Variants in APH1B observed in about 807,000 individuals in gnomAD.
APH1B encodes the protein aph-1B gamma-secretase subunit.
APH1B carries 27 observed loss-of-function variants against 28.2 expected under a neutral mutation model. The ratio of observed to expected loss-of-function variants is 0.96; its 90% CI spans 0.70 to 1.32. APH1B has a LOEUF of 1.32. Among genes scored for constraint, APH1B ranks in the 40% most tolerant of loss-of-function variants. APH1B has a pLI of 0.00. For synonymous variants in APH1B, 141 were observed against 124.6 expected, an observed-to-expected ratio of 1.13 and a Z score of -0.88; for missense variants, 305 against 313.6, an observed-to-expected ratio of 0.97 and a Z score of 0.21.
At chr15:63,298,685 G>A (rs1340654965) in intron 4 of APH1B, among the ~76,000 whole-genome samples, 1 of 152,082 alleles carries the variant, frequency 6.6e-6, no homozygotes. Flanking sequence ...AAAAAGATAT[G>A]GATTGCCAAG....
At chr15:63,297,489 C>T (rs1285354312) in intron 4 of APH1B, among the ~76,000 whole-genome samples, 1 of 152,082 alleles carries the variant, frequency 6.6e-6, no homozygotes, top group Non-Finnish European at 1.5e-5. Context: ...ATGATCGCAC[C>T]ATTGCACTCC....
At chr15:63,300,177 TGCCATCTCGA>T (rs2038611275) in intron 4 of APH1B, among the ~76,000 whole-genome samples, 1 of 152,100 alleles carries the variant, frequency 6.6e-6, no homozygotes. Context: ...GAAGCTCTGG[TGCCATCTCGA>T]GCCATCTGGT....
intron 3 of APH1B, among the ~76,000 whole-genome samples, chr15:63,287,002 T>C (rs886651882): frequency 1.3e-5 from 2 of 152,222 alleles, no homozygotes; most frequent in Admixed American, 6.5e-5. Context: ...ACTTTGAGAA[T>C]TATGTTTAAG....
intron 4 of APH1B, among the ~76,000 whole-genome samples, chr15:63,292,197 C>T (rs1208333179): frequency 6.6e-6 from 1 of 152,138 alleles, no homozygotes; most frequent in East Asian, 1.9e-4. Context: ...GAAAGTATAA[C>T]ATCTCCTAAT....
chr15:63,299,131 T>C (rs1211841628), intron 4 of APH1B, among the ~76,000 whole-genome samples: 2 of 152,076 alleles, frequency 1.3e-5, no homozygotes, highest in African/African-American at 4.8e-5. Context: ...AGGATGCAGT[T>C]GAAGATAGTA....
rs1047552 is a variant in APH1B at position 63,305,658 on chromosome 15, T to G, written c.651T>G (p.Phe217Leu). Residue 217 changes from phenylalanine (F) to leucine (L), a missense_variant, in exon 6 of 6, where the codon TTT becomes TTG. Physicochemically the swap from Phe to Leu is conservative, Grantham distance 22. Coordinates refer to ENST00000261879, the MANE Select transcript of APH1B (RefSeq NM_031301.4). ...ATGGAATAAACCTGGCGTCAGCATT[T>G]ATAATCCTGGTGCTCATGGGCACCT... is the stretch of plus-strand genomic sequence containing the variant. Reference protein sequence around the residue: ...SYYGINLASAFIILVLMGTWA... With the variant: ...SYYGINLASALIILVLMGTWA... The G allele has an allele frequency of 0.041, 66,465 of 1,614,156 alleles. 2,441 individuals are homozygous for G. The highest frequency in any genetic ancestry group is 0.19 in the East Asian group (8,730 of 44,866).
At chr15:63,301,428 C>G (rs769439721) in intron 4 of APH1B, among the ~76,000 whole-genome samples, 5 of 152,096 alleles carry the variant, frequency 3.3e-5, no homozygotes, top group Non-Finnish European at 7.4e-5. Context: ...GGCTTGCCCA[C>G]TTTAAATAAA....
At chr15:63,287,954 G>GAT (rs1384587996) in intron 4 of APH1B, among the ~76,000 whole-genome samples, 2 of 152,156 alleles carry the variant, frequency 1.3e-5, no homozygotes, top group Non-Finnish European at 2.9e-5. Flanking sequence ...GGAAAAATGG[G>GAT]ATAATAGATG....
chr15:63,277,716 T>C lies in APH1B; in HGVS notation c.93T>C (p.Arg31=), dbSNP rs1255139114. ...TCACCATCGCCACCGAGCCGTTGCG[T>C]ATCATCTTCCTCATCGCCGGGTGAG... ...YVFTIATEPL[R]IIFLIAGAFF... is the part of the protein sequence containing the mutation. The change falls in exon 1 of 6, where the codon CGT becomes CGC. Residue 31 remains arginine (R), a synonymous_variant. Transcript: ENST00000261879. The C allele has an allele frequency of 6.2e-7, 1 of 1,610,262 alleles. No individual in the cohort carries two copies. Among genetic ancestry groups the C allele is most frequent in the African/African-American group, 1.3e-5 (1 of 74,470 alleles).
chr15:63,293,164 T>A (rs1387313256), intron 4 of APH1B, among the ~76,000 whole-genome samples: 2 of 151,846 alleles, frequency 1.3e-5, no homozygotes, highest in African/African-American at 4.8e-5. Context: ...TTTATTTTAC[T>A]TTTCTTTTTT....
chr15:63,288,718 A>G (rs538902101), intron 4 of APH1B, among the ~76,000 whole-genome samples: 1 of 152,304 alleles, frequency 6.6e-6, no homozygotes, highest in African/African-American at 2.4e-5. Context: ...AACATAGCAA[A>G]TTATCTTTCT....
intron 4 of APH1B, among the ~76,000 whole-genome samples, chr15:63,301,437 A>G (rs2038625927): frequency 6.6e-6 from 1 of 152,178 alleles, no homozygotes; most frequent in Non-Finnish European, 1.5e-5. Context: ...ACTTTAAATA[A>G]AGACTGTTAA....
chr15:63,296,468 T>C (rs1263436798), intron 4 of APH1B, among the ~76,000 whole-genome samples: 2 of 152,224 alleles, frequency 1.3e-5, no homozygotes, highest in Non-Finnish European at 2.9e-5. Flanking sequence ...TGGCAGTTTC[T>C]GTGCTGGCAG....
intron 1 of APH1B, 192 bp downstream of exon 1, chr15:63,277,928 G>C: frequency 1.7e-6 from 1 of 596,352 alleles, no homozygotes; most frequent in Non-Finnish European, 2.9e-6. Flanking sequence ...CGCACACTGG[G>C]GGTCAGGGCC....
At chr15:63,280,662 A>G (rs954512403) in intron 2 of APH1B, among the ~76,000 whole-genome samples, 18 of 152,368 alleles carry the variant, frequency 1.2e-4, no homozygotes, top group Non-Finnish European at 2.6e-4. Context: ...AAAGTTTCAA[A>G]AATGAAATTC....
intron 1 of APH1B, chr15:63,278,256 A>C (rs1215243367): frequency 9.1e-6 from 4 of 440,708 alleles, no homozygotes; most frequent in Non-Finnish European, 1.8e-5. Flanking sequence ...AAAAAAAAAA[A>C]ATTTAAGCTC....
At chr15:63,291,052 T>A (rs998367024) in intron 4 of APH1B, among the ~76,000 whole-genome samples, 1 of 151,444 alleles carries the variant, frequency 6.6e-6, no homozygotes. Flanking sequence ...CCATCTAATC[T>A]TCAATTTCCT....
chr15:63,300,588 C>T (rs2038616440), intron 4 of APH1B, among the ~76,000 whole-genome samples: 1 of 152,198 alleles, frequency 6.6e-6, no homozygotes, highest in Non-Finnish European at 1.5e-5. Flanking sequence ...TCCAGGGAGG[C>T]CTCCTTTTCC....
intron 4 of APH1B, 28 bp downstream of exon 4, chr15:63,287,574 A>G (rs201814990): frequency 6.2e-7 from 1 of 1,609,904 alleles, no homozygotes; most frequent in South Asian, 1.1e-5. Flanking sequence ...GTCAACATTC[A>G]GGCTTCTAGT....
Sources: gnomAD v4.1 joint callset for allele counts (sites outside exome capture counted in the v4.1 genomes callset) on GRCh38, gnomAD v4.1.1 for gene constraint, MANE v1.5 for transcripts, NCBI Gene and HGNC (gene_info 2026-07-23, HGNC 2026-07-21) for gene names.